ZNF106: variants seen among roughly 807,000 people sequenced by gnomAD.
ZNF106 encodes the protein zinc finger protein 106, also known as SH3-domain binding protein 3.
ZNF106 carries 67 observed loss-of-function variants against 195.1 expected under a neutral mutation model. The observed-to-expected ratio is 0.34, with a 90% CI of 0.28 to 0.42. The LOEUF is 0.42. Ranked by LOEUF, ZNF106 falls within the 10% of genes least tolerant of loss-of-function variation. The pLI is 1.00. For synonymous variants in ZNF106, 784 were observed against 818.6 expected (o/e 0.96, Z 0.72); for missense variants, 2,118 against 2,304.5 (o/e 0.92, Z 1.66).
At chr15:42,437,902 C>CA (rs35756160) in intron 12 of ZNF106, among the ~76,000 whole-genome samples, 14,871 of 80,780 alleles carry the variant, frequency 0.18, 1,030 homozygotes, top group Non-Finnish European at 0.23. Context: ...GACTCCGTCT[C>CA]AAAAAAAAAA....
chr15:42,439,918 T>C, intron 10 of ZNF106, 105 bp from the exon 11 acceptor site: 1 of 1,240,474 alleles, frequency 8.1e-7, no homozygotes, highest in South Asian at 1.7e-5. Flanking sequence ...CAGAAAACCA[T>C]GACTGTTTCA....
Position 42,422,440 on chromosome 15 carries a change from C to A in ZNF106, c.5373+61G>T. The A allele has an allele frequency of 1.9e-6, 3 of 1,577,602 alleles. No homozygotes were observed. In the South Asian group the frequency reaches 3.5e-5, roughly 19 times the overall value. On this transcript the variant is annotated intron_variant, in intron 18 of 21. Transcript: ENST00000564754. ...CACCTTACTGTATCAAAAATCAACA[C>A]TAAACCCAAATAGACAATCTCCCCA...
chr15:42,442,315 A>G lies in ZNF106; in HGVS notation c.3521T>C (p.Leu1174Pro). 1 of 1,614,242 alleles carries G rather than the reference A, an allele frequency of 6.2e-7. No homozygotes were observed. The highest frequency in any genetic ancestry group is 1.7e-5 in the Admixed American group (1 of 60,014). Residue 1174 changes from leucine (L) to proline (P), a missense_variant, in exon 10 of 22, where the codon CTG becomes CCG. Transcript: ENST00000564754. ...RSQTSIDAAL[L>P]PTPFFPLFLE... ...AAAAAGTGGGAAAAAGGGAGTGGGCAGCAGTGCGGCATCAATGGATGTTTG... is the reference window on the plus strand; with the variant it reads ...AAAAAGTGGGAAAAAGGGAGTGGGCGGCAGTGCGGCATCAATGGATGTTTG...
intron 19 of ZNF106, among the ~76,000 whole-genome samples, 169 bp downstream of exon 19, chr15:42,421,748 A>G (rs1313145320): frequency 1.3e-5 from 2 of 152,250 alleles, no homozygotes; most frequent in East Asian, 3.8e-4. Flanking sequence ...CTATTAATAG[A>G]CAATGGAATA....
intron 3 of ZNF106, among the ~76,000 whole-genome samples, chr15:42,462,782 T>C (rs1364957253): frequency 7.9e-5 from 12 of 152,110 alleles, no homozygotes; most frequent in Admixed American, 2.6e-4. Context: ...ACGAGTCTTA[T>C]GTGACCAAAC....
intron 3 of ZNF106, among the ~76,000 whole-genome samples, chr15:42,465,720 A>G (rs1178487304): frequency 6.6e-6 from 1 of 152,222 alleles, no homozygotes; most frequent in Non-Finnish European, 1.5e-5. Context: ...AACACTGCTG[A>G]AGTAAAAATA....
intron 14 of ZNF106, 104 bp from the exon 15 acceptor site, chr15:42,428,238 G>GA: frequency 1.2e-6 from 1 of 849,234 alleles, no homozygotes; most frequent in South Asian, 1.7e-5. Flanking sequence ...TTATGCGGAA[G>GA]AAAGTGTGAC....
In ZNF106 at chr15:42,428,061, T is replaced by A. The variant is rs150922683; in HGVS notation, c.4955A>T (p.Tyr1652Phe). 176 of 1,614,186 alleles carry A rather than the reference T, an allele frequency of 1.1e-4. No individual in the cohort carries two copies. Among genetic ancestry groups the A allele is most frequent in the South Asian group, 3.4e-4 (31 of 91,090 alleles). The change falls in exon 15 of 22, where the codon TAT becomes TTT. Residue 1652 changes from tyrosine (Y) to phenylalanine (F), a missense_variant. Physicochemically the swap from Tyr to Phe is conservative, Grantham distance 22. Coordinates refer to ENST00000564754, the MANE Select transcript of ZNF106 (RefSeq NM_001366845.3). ...LCLHSRWRIL[Y>F]AGLANGTVVT... ...CACAGTGCCATTTGCCAGTCCCGCA[T>A]AGAGGATTCGCCATCTACTGTGGAG...
Position 42,450,768 on chromosome 15 carries a change from T to G in ZNF106, c.1504A>C (p.Asn502His), listed in dbSNP as rs746387278. 6.2e-7 allele frequency: 1 copy of G among 1,614,092 alleles called. No individual in the cohort carries two copies. Among genetic ancestry groups the G allele is most frequent in the African/African-American group, 1.3e-5 (1 of 75,016 alleles). The change falls in exon 5 of 22, where the codon AAT becomes CAT. Residue 502 changes from asparagine to histidine, a missense_variant. Physicochemically the swap from Asn to His is moderately conservative, Grantham distance 68 (BLOSUM62 1). Coordinates refer to ENST00000564754, the MANE Select transcript of ZNF106 (RefSeq NM_001366845.3). ...GAGTGTTCTCCAGGGGAAAAAAAAT[T>G]TGTTTTGGTGTTTTTTGAGATATTC... ...PKNISKNTKTNFFSPGEHSNP... is the reference protein window; with the variant it reads ...PKNISKNTKTHFFSPGEHSNP...
At chr15:42,437,451 T>C (rs894541490) in intron 12 of ZNF106, 74 bp from the exon 13 acceptor site, 2 of 1,547,362 alleles carry the variant, frequency 1.3e-6, no homozygotes, top group South Asian at 1.2e-5. Flanking sequence ...AGAACTATTA[T>C]ACAATACAGT....
chr15:42,438,141 C>A (rs1368437571), intron 12 of ZNF106, among the ~76,000 whole-genome samples: 1 of 152,048 alleles, frequency 6.6e-6, no homozygotes, highest in Non-Finnish European at 1.5e-5. Context: ...AGTCCCAGCA[C>A]TTTGGGAGGA....
At chr15:42,466,917 G>C (rs967393449) in intron 2 of ZNF106, among the ~76,000 whole-genome samples, 10 of 152,082 alleles carry the variant, frequency 6.6e-5, no homozygotes, top group African/African-American at 2.4e-4. Flanking sequence ...GGCAGATCAC[G>C]AAGTCAGGAG....
chr15:42,460,492 A>G (rs1280291289), intron 3 of ZNF106, among the ~76,000 whole-genome samples: 1 of 152,258 alleles, frequency 6.6e-6, no homozygotes, highest in African/African-American at 2.4e-5. Flanking sequence ...GAGAAAGAAT[A>G]TAACCATAGT....
intron 15 of ZNF106, among the ~76,000 whole-genome samples, chr15:42,425,940 ACTT>A (rs1268983479): frequency 6.6e-6 from 1 of 152,092 alleles, no homozygotes; most frequent in African/African-American, 2.4e-5. Context: ...CAGATTTTAG[ACTT>A]CTTTCCTTCA....
At position 42,416,633 on chromosome 15, in the gene ZNF106, G is replaced by A. The variant is rs1435027124; in HGVS notation, c.*671C>T. On this transcript the variant is annotated 3_prime_UTR_variant, in exon 22 of 22. Transcript: ENST00000564754. ...TTTACAGAGATTTACTAGAAGTGGTGTCTGTAAGGACTTGTCACTATGTGA... is the reference window on the plus strand; with the variant it reads ...TTTACAGAGATTTACTAGAAGTGGTATCTGTAAGGACTTGTCACTATGTGA... 1 of 152,256 alleles carries A rather than the reference G, an allele frequency of 6.6e-6. No individual in the cohort carries two copies. Among genetic ancestry groups the A allele is most frequent in the Admixed American group, 6.5e-5 (1 of 15,290 alleles). The allele number at this position is 152,256 out of a possible 1,614,324, so 9.4% of individuals were successfully genotyped here.
chr15:42,445,995 G>C (rs2055756025), intron 7 of ZNF106, among the ~76,000 whole-genome samples: 1 of 152,202 alleles, frequency 6.6e-6, no homozygotes, highest in South Asian at 2.1e-4. Flanking sequence ...CTGAAAGTGA[G>C]AGAAATGGCT....
intron 4 of ZNF106, among the ~76,000 whole-genome samples, chr15:42,456,279 T>C (rs551945942): frequency 1.8e-3 from 281 of 152,344 alleles, no homozygotes; most frequent in Non-Finnish European, 2.8e-3. Context: ...ATACGATTTA[T>C]ACAATGAAGC....
chr15:42,449,621 T>C lies in ZNF106; in HGVS notation c.2501+150A>G. On this transcript the variant is annotated intron_variant, in intron 5 of 21. Coordinates refer to ENST00000564754, the MANE Select transcript of ZNF106 (RefSeq NM_001366845.3). ...TATTCCATCTGTCATAGAGTATCAG[T>C]CACTATTTGATATTAAATCAAGACA... The C allele has an allele frequency of 8.2e-6, 9 of 1,102,970 alleles. No homozygotes were observed. In the South Asian group the frequency reaches 1.3e-4, roughly 16 times the overall value. 68.3% of individuals were successfully genotyped at this position (1,102,970 alleles called of 1,614,324 possible).
intron 13 of ZNF106, among the ~76,000 whole-genome samples, chr15:42,436,987 C>T (rs2055299614): frequency 6.6e-6 from 1 of 152,186 alleles, no homozygotes; most frequent in Non-Finnish European, 1.5e-5. Context: ...GACATTTACC[C>T]TGTAAGCAGG....
Sources: allele counts gnomAD v4.1 joint callset (sites outside exome capture counted in the v4.1 genomes callset), GRCh38; gene constraint gnomAD v4.1.1; transcripts MANE v1.5; gene names NCBI Gene and HGNC (gene_info 2026-07-23, HGNC 2026-07-21).